The following MPRIP variants were observed in gnomAD, a reference collection of about 807,000 sequenced individuals.
MPRIP encodes myosin phosphatase Rho-interacting protein.
A neutral mutation model predicts 234.9 loss-of-function variants in MPRIP; 59 were observed. That is an observed-to-expected ratio of 0.25 (90% CI 0.20 to 0.31). The LOEUF (loss-of-function observed/expected upper bound fraction) is 0.31. MPRIP is among the 10% of genes least tolerant of loss of function. The pLI, the probability that MPRIP is intolerant of heterozygous loss-of-function variation, is 1.00. For synonymous variants in MPRIP, 1,144 were observed against 1,263.9 expected, an observed-to-expected ratio of 0.91 and a Z score of 2.01; for missense variants, 2,436 against 3,071.0, an observed-to-expected ratio of 0.79 and a Z score of 4.89.
intron 22 of MPRIP, among the ~76,000 whole-genome samples, chr17:17,179,086 C>T (rs1433309039): frequency 2.0e-5 from 3 of 152,106 alleles, no homozygotes; most frequent in African/African-American, 2.4e-5. Context: ...GAGGTTGAGG[C>T]GGGTGGATCA....
chr17:17,168,473 ACGGAGCACAG>A (rs2046055065), intron 16 of MPRIP: 1 of 281,844 alleles, frequency 3.5e-6, no homozygotes, highest in Non-Finnish European at 6.9e-6. Flanking sequence ...GAACTTTCCC[ACGGAGCACAG>A]CCTCCAGCCA....
intron 5 of MPRIP, among the ~76,000 whole-genome samples, chr17:17,131,959 G>T (rs193174744): frequency 6.6e-6 from 1 of 152,334 alleles, no homozygotes; most frequent in East Asian, 1.9e-4. Context: ...GCAGTACACA[G>T]CTGTGACCCC....
chr17:17,135,600 CCT>C (rs1380440020), intron 5 of MPRIP, among the ~76,000 whole-genome samples: 1 of 152,184 alleles, frequency 6.6e-6, no homozygotes, highest in Non-Finnish European at 1.5e-5. Flanking sequence ...GTGAGGGCCC[CCT>C]TGCTGGTCCT....
chr17:17,068,882 A>G (rs2089123094), intron 1 of MPRIP, among the ~76,000 whole-genome samples: 1 of 151,778 alleles, frequency 6.6e-6, no homozygotes, highest in Non-Finnish European at 1.5e-5. Flanking sequence ...CTTGCTTTTG[A>G]TATATTTTGT....
At chr17:17,141,173 G>A (rs533467486) in intron 7 of MPRIP, among the ~76,000 whole-genome samples, 5 of 152,194 alleles carry the variant, frequency 3.3e-5, no homozygotes, top group Non-Finnish European at 5.9e-5. Flanking sequence ...CTTTCCTGGG[G>A]CTTTCTAGGC....
In MPRIP at chr17:17,096,225, G is replaced by C. The variant is rs1404051364; in HGVS notation, c.267+18149G>C. Among the ~76,000 whole-genome samples, 3 of 144,122 alleles carry C rather than the reference G, an allele frequency of 2.1e-5. No homozygotes were observed. The East Asian group carries it at 6.4e-4, about 31-fold the overall frequency. 94.5% of individuals were successfully genotyped at this position (144,122 alleles called of 152,430 possible). A position where few individuals can be genotyped will look rare whatever the true frequency, so the allele number is the denominator to read the frequency against. On this transcript the variant is annotated intron_variant, in intron 3 of 23. Transcript: ENST00000651222. ...CCTTTCCCACACTGTCCCCTGTGTG[G>C]GTCATATTGTTGGTCTGGGCCTGTG... is the stretch of plus-strand genomic sequence containing the variant.
chr17:17,043,918 A>T (rs1421473858), intron 1 of MPRIP, among the ~76,000 whole-genome samples: 1 of 152,190 alleles, frequency 6.6e-6, no homozygotes, highest in African/African-American at 2.4e-5. Flanking sequence ...AGCCAGGGGA[A>T]GTCCCTTCAC....
At chr17:17,073,773 G>C (rs2089259858) in intron 1 of MPRIP, among the ~76,000 whole-genome samples, 1 of 152,198 alleles carries the variant, frequency 6.6e-6, no homozygotes, top group Non-Finnish European at 1.5e-5. Flanking sequence ...GCTGGGCACA[G>C]CTGGAGTTCG....
intron 3 of MPRIP, among the ~76,000 whole-genome samples, chr17:17,080,733 G>T (rs2089442956): frequency 6.6e-6 from 1 of 152,232 alleles, no homozygotes. Context: ...TTCGACAGGG[G>T]TTTATTTAAA....
intron 1 of MPRIP, among the ~76,000 whole-genome samples, chr17:17,049,725 C>T (rs1168101986): frequency 6.6e-6 from 1 of 152,178 alleles, no homozygotes; most frequent in Non-Finnish European, 1.5e-5. Context: ...TAGGATATAG[C>T]CACTTAAAAA....
At chr17:17,079,848 C>T (rs1671344507) in intron 3 of MPRIP, among the ~76,000 whole-genome samples, 2 of 152,222 alleles carry the variant, frequency 1.3e-5, no homozygotes, top group Non-Finnish European at 2.9e-5. Flanking sequence ...AAGTGCAGAG[C>T]ACATGCTGCC....
intron 1 of MPRIP, among the ~76,000 whole-genome samples, chr17:17,065,621 CT>C (rs149762479): frequency 4.2e-4 from 62 of 148,746 alleles, no homozygotes; most frequent in East Asian, 3.9e-4. Context: ...ATTATACCCT[CT>C]TTTTTTTTTA....
chr17:17,177,398 C>T lies in MPRIP; in HGVS notation c.7106C>T (p.Thr2369Met), dbSNP rs776527696. ...GGGGAGAAGTCCCCTGACAGTGCCA[C>T]GGTGTCCGGATATGGTGCGTCCTCG... ...ALGEKSPDSA[T>M]VSGYDIMKSK... The change falls in exon 22 of 24, where the codon ACG becomes ATG. Residue 2369 changes from threonine to methionine, a missense_variant. Physicochemically the swap from Thr to Met is moderately conservative, Grantham distance 81 (BLOSUM62 -1). Around this residue, in one of 4 missense-constraint regions of MPRIP, gnomAD observed 1,998 missense variants for 2,520.3 expected, o/e 0.79. Coordinates refer to ENST00000651222, the MANE Select transcript of MPRIP (RefSeq NM_001364716.4). The T allele has an allele frequency of 2.0e-5, 33 of 1,613,408 alleles. No individual in the cohort carries two copies. Among genetic ancestry groups the T allele is most frequent in the Non-Finnish European group, 2.5e-5 (29 of 1,179,950 alleles).
At chr17:17,161,172 C>A in intron 14 of MPRIP, 68 bp from the exon 15 acceptor site, 1 of 1,120,554 alleles carries the variant, frequency 8.9e-7, no homozygotes, top group Non-Finnish European at 1.3e-6. Context: ...GTGAAAGAGT[C>A]TGTGCTGTGC....
intron 1 of MPRIP, among the ~76,000 whole-genome samples, chr17:17,044,452 G>A (rs1162843878): frequency 6.6e-6 from 1 of 152,120 alleles, no homozygotes; most frequent in African/African-American, 2.4e-5. Context: ...TTCCTTATCT[G>A]TAAATTGGGA....
intron 13 of MPRIP, among the ~76,000 whole-genome samples, chr17:17,155,775 G>A (rs1465759395): frequency 6.6e-6 from 1 of 152,232 alleles, no homozygotes; most frequent in East Asian, 1.9e-4. Flanking sequence ...CTGGCTTGTT[G>A]TCTAGTGACA....
At chr17:17,120,059 T>C (rs891383309) in intron 3 of MPRIP, among the ~76,000 whole-genome samples, 4 of 152,126 alleles carry the variant, frequency 2.6e-5, no homozygotes, top group Non-Finnish European at 5.9e-5. Flanking sequence ...GGGGAAAGCC[T>C]TTGTTTCTTG....
intron 3 of MPRIP, among the ~76,000 whole-genome samples, chr17:17,114,559 C>G (rs4985699): frequency 0.52 from 79,609 of 152,084 alleles, 23,593 homozygotes; most frequent in East Asian, 0.66. Flanking sequence ...ATTGAGGTAT[C>G]TGCTCCATTT....
At chr17:17,088,395 T>TATGTGAAAGTCATTTCAC (rs2089640484) in intron 3 of MPRIP, among the ~76,000 whole-genome samples, 1 of 152,128 alleles carries the variant, frequency 6.6e-6, no homozygotes, top group Admixed American at 6.5e-5. Context: ...TGACTTTAGA[T>TATGTGAAAGTCATTTCAC]ATTAAGAAAG....
Sources: allele counts gnomAD v4.1 joint callset (sites outside exome capture counted in the v4.1 genomes callset), GRCh38; gene constraint gnomAD v4.1.1; regional missense constraint gnomAD v4.1.1; transcripts MANE v1.5; gene names NCBI Gene and HGNC (gene_info 2026-07-23, HGNC 2026-07-21).